The following ESRRG variants were observed in gnomAD, a reference collection of about 807,000 sequenced individuals.
The protein encoded by ESRRG is estrogen-related receptor gamma.
In ESRRG, 13 loss-of-function variants were observed where a neutral mutation model predicts 44.0. The observed-to-expected ratio is 0.30, with a 90% CI of 0.19 to 0.47. The LOEUF is 0.47. Among genes scored for constraint, ESRRG ranks in the 20% least tolerant of loss-of-function variants. The probability of loss-of-function intolerance (pLI) is 1.00; values close to 1 mark genes in which losing one functional copy is unlikely to be tolerated. For synonymous variants in ESRRG, 215 were observed against 214.6 expected, an observed-to-expected ratio of 1.00 and a Z score of -0.02; for missense variants, 395 against 580.6, an observed-to-expected ratio of 0.68 and a Z score of 3.29.
rs533760201 is a variant in ESRRG at position 216,559,805 on chromosome 1, T to C, written c.862+4414A>G. ...TTGGTGGATGATATAATCTTAAAAA[T>C]TTGACTCTGTAAAATTTATTAGAAC... On this transcript the variant is annotated intron_variant, in intron 5 of 6. Coordinates refer to ENST00000408911, the MANE Select transcript of ESRRG (RefSeq NM_001438.4). Among the ~76,000 whole-genome samples, 14 of 152,274 alleles carry C rather than the reference T, an allele frequency of 9.2e-5. No individual in the cohort carries two copies. The South Asian group carries it at 2.1e-3, about 23-fold the overall frequency.
At chr1:216,632,888 A>G (rs1332599443) in intron 3 of ESRRG, among the ~76,000 whole-genome samples, 1 of 152,192 alleles carries the variant, frequency 6.6e-6, no homozygotes, top group African/African-American at 2.4e-5. Flanking sequence ...TATAAAGTCA[A>G]TAAATAGAGC....
At chr1:217,102,429 C>T (rs2092530563) in intron 1 of ESRRG, among the ~76,000 whole-genome samples, 1 of 152,150 alleles carries the variant, frequency 6.6e-6, no homozygotes, top group South Asian at 2.1e-4. Flanking sequence ...TTATGATGTA[C>T]ATGCTGTTAA....
intron 1 of ESRRG, among the ~76,000 whole-genome samples, chr1:217,026,908 C>CAGAGAGAGAGAGAGAGAGAGAG (rs1254896528): frequency 2.2e-5 from 2 of 90,826 alleles, no homozygotes; most frequent in African/African-American, 4.1e-5. Flanking sequence ...CACACACACA[C>CAGAGAGAGAGAGAGAGAGAGAG]ACACAGAGAG....
At chr1:216,623,284 T>C (rs1281374847) in intron 3 of ESRRG, among the ~76,000 whole-genome samples, 2 of 152,094 alleles carry the variant, frequency 1.3e-5, no homozygotes, top group Admixed American at 1.3e-4. Context: ...GGTTTCACCA[T>C]GTTAGCCAGG....
In ESRRG at chr1:216,873,334, C is replaced by T. The variant is rs138998193; in HGVS notation, c.-14+66248G>A. Among the ~76,000 whole-genome samples, 560 of 151,156 alleles carry T rather than the reference C, an allele frequency of 3.7e-3. 10 individuals carry two copies. The East Asian group carries it at 0.043, about 12-fold the overall frequency. The stretch of plus-strand genomic sequence containing the variant: ...TCAAGCAATTCTCCTGCCTCAGCCT[C>T]CTGAGTAGCTGGGATTACAGGCGCC... On this transcript the variant is annotated intron_variant, in intron 2 of 7. Transcript: ENST00000359162.
intron 2 of ESRRG, among the ~76,000 whole-genome samples, chr1:216,668,321 T>A (rs557554572): frequency 1.3e-5 from 2 of 152,280 alleles, no homozygotes; most frequent in Non-Finnish European, 2.9e-5. Flanking sequence ...CTGAATACCA[T>A]TGGCATATAC....
At chr1:216,706,725 T>C (rs1051131648) in intron 1 of ESRRG, among the ~76,000 whole-genome samples, 1 of 152,258 alleles carries the variant, frequency 6.6e-6, no homozygotes, top group African/African-American at 2.4e-5. Flanking sequence ...GGTGCCCTGA[T>C]ACCATGATTT....
At position 216,964,821 on chromosome 1, in the gene ESRRG, A is replaced by C. The variant is rs1053254691; in HGVS notation, c.-105-25148T>G. Among the ~76,000 whole-genome samples the C allele has an allele frequency of 3.3e-5, 5 of 152,154 alleles. 1 individual carries two copies. The highest frequency in any genetic ancestry group is 3.3e-4 in the Admixed American group (5 of 15,274). ...AGAGGTGGTGGGAAGATATAACGTT[A>C]TTTTACATATTTGATATAGAGCCTA... is the stretch of plus-strand genomic sequence containing the variant. On this transcript the variant is annotated intron_variant, in intron 1 of 7. Transcript: ENST00000359162.
chr1:216,855,227 G>C (rs905298241), intron 2 of ESRRG: 2 of 152,134 alleles, frequency 1.3e-5, no homozygotes, highest in Admixed American at 1.3e-4. Context: ...ACATGCAAAA[G>C]TTGGCTTGAA....
intron 3 of ESRRG, among the ~76,000 whole-genome samples, chr1:216,631,637 G>A (rs2064202638): frequency 6.6e-6 from 1 of 151,734 alleles, no homozygotes; most frequent in Non-Finnish European, 1.5e-5. Flanking sequence ...TCCTCAAAAG[G>A]GATATATGTA....
At chr1:216,913,030 G>A (rs530931288) in intron 2 of ESRRG, among the ~76,000 whole-genome samples, 3 of 147,392 alleles carry the variant, frequency 2.0e-5, no homozygotes, top group South Asian at 2.1e-4. Context: ...GGCTAAGACA[G>A]GAAAATCACT....
intron 1 of ESRRG, among the ~76,000 whole-genome samples, chr1:216,941,849 T>G (rs1318374214): frequency 1.3e-5 from 2 of 152,198 alleles, no homozygotes; most frequent in Non-Finnish European, 2.9e-5. Flanking sequence ...GCACTACTAT[T>G]TATCTCATTT....
intron 2 of ESRRG, among the ~76,000 whole-genome samples, chr1:216,932,851 A>C (rs2063568318): frequency 6.6e-6 from 1 of 150,378 alleles, no homozygotes; most frequent in Non-Finnish European, 1.5e-5. Context: ...TACAGGAATG[A>C]GCCACCATGT....
chr1:216,994,241 C>T (rs1204416415), intron 1 of ESRRG, among the ~76,000 whole-genome samples: 4 of 151,808 alleles, frequency 2.6e-5, no homozygotes, highest in Admixed American at 1.3e-4. Flanking sequence ...CATTAAGCAG[C>T]GAAAAAAAAT....
At chr1:216,726,256 A>G (rs140627657), upstream of ESRRG, among the ~76,000 whole-genome samples, 14 of 152,288 alleles carry the variant, frequency 9.2e-5, no homozygotes, top group East Asian at 2.5e-3. Flanking sequence ...CTTGGGATCA[A>G]AGTATCACCT....
intron 1 of ESRRG, among the ~76,000 whole-genome samples, chr1:217,048,012 G>T (rs2085204886): frequency 6.6e-6 from 1 of 152,216 alleles, no homozygotes; most frequent in African/African-American, 2.4e-5. Context: ...CTTCTCTGAA[G>T]TGCTGGATCA....
Position 216,791,546 on chromosome 1 carries a change from G to A in ESRRG, c.-13-114055C>T, listed in dbSNP as rs78141322. Among the ~76,000 whole-genome samples the A allele has an allele frequency of 7.2e-3, 1,102 of 152,078 alleles. 51 individuals carry two copies. The East Asian group carries it at 0.13, about 19-fold the overall frequency. On this transcript the variant is annotated intron_variant, in intron 2 of 7. Transcript: ENST00000359162. Reference sequence around the variant, plus strand: ...ATTTGATCTCTGAAAAGATTCCTTGGAAATCATCACTTTAATTTCTCAGAC... The same window carrying A: ...ATTTGATCTCTGAAAAGATTCCTTGAAAATCATCACTTTAATTTCTCAGAC...
At chr1:216,693,261 T>C (rs1046282605) in intron 1 of ESRRG, among the ~76,000 whole-genome samples, 1 of 152,204 alleles carries the variant, frequency 6.6e-6, no homozygotes, top group African/African-American at 2.4e-5. Flanking sequence ...TAATTTAAAA[T>C]TTTTTGGTGT....
intron 2 of ESRRG, among the ~76,000 whole-genome samples, chr1:216,736,599 T>A (rs1361334): frequency 6.6e-6 from 1 of 151,810 alleles, no homozygotes; most frequent in Non-Finnish European, 1.5e-5. Flanking sequence ...GAAGCAAGAG[T>A]TGGTAGAAAG....
Sources: allele counts gnomAD v4.1 joint callset (sites outside exome capture counted in the v4.1 genomes callset), GRCh38; gene constraint gnomAD v4.1.1; transcripts MANE v1.5; gene names NCBI Gene and HGNC (gene_info 2026-07-23, HGNC 2026-07-21).